Variants in INPP5B observed in about 807,000 individuals in gnomAD.
INPP5B encodes type II inositol 1,4,5-trisphosphate 5-phosphatase.
A neutral mutation model predicts 118.5 loss-of-function variants in INPP5B; 90 were observed. The ratio of observed to expected loss-of-function variants is 0.76; its 90% CI spans 0.64 to 0.90. INPP5B has a LOEUF of 0.90. Among genes scored for constraint, INPP5B ranks in the 40% least tolerant of loss-of-function variants. The pLI, the probability that INPP5B is intolerant of heterozygous loss-of-function variation, is 0.00. For missense variants in INPP5B, 984 were observed against 1,125.6 expected (o/e 0.87, Z 1.80); for synonymous variants, 385 against 418.9 (o/e 0.92, Z 0.99).
At chr1:37,932,369 T>C (rs987851644) in intron 6 of INPP5B, among the ~76,000 whole-genome samples, 118 of 139,270 alleles carry the variant, frequency 8.5e-4, no homozygotes, top group Non-Finnish European at 1.1e-3. Context: ...TTTTCTTTTT[T>C]TTTTTTTTTT....
intron 7 of INPP5B, among the ~76,000 whole-genome samples, chr1:37,895,019 A>G (rs4585949): frequency 0.96 from 146,204 of 152,292 alleles, 70,457 homozygotes; most frequent in East Asian, 1. Context: ...AATTATTTCT[A>G]GAAATGCAAT....
chr1:37,864,554 C>CTA (rs1641913691), intron 22 of INPP5B, 131 bp from the exon 23 acceptor site: 2 of 560,956 alleles, frequency 3.6e-6, no homozygotes, highest in African/African-American at 1.9e-5. Context: ...GGTTGCTTAC[C>CTA]ACTTGGCATA....
rs531983640 is a variant in INPP5B at position 37,921,346 on chromosome 1, T to C, written c.532+10567A>G. On this transcript the variant is annotated intron_variant, in intron 7 of 23. Transcript: ENST00000373024. ...ACATAGTACACAGGGCAGGTAACTC[T>C]TGAGTGACATTCATAACACAGGGCA... Among the ~76,000 whole-genome samples, 3 of 152,322 alleles carry C rather than the reference T, an allele frequency of 2.0e-5. No homozygotes were observed. The South Asian group carries it at 6.2e-4, about 32-fold the overall frequency.
chr1:37,907,820 G>A lies in INPP5B; in HGVS notation c.533-16366C>T, dbSNP rs1644549140. ...AAGGGGAGGCATGAATAATCTGTCA[G>A]GCCTCTGAGCCCAAGCTAAGCCATC... On this transcript the variant is annotated intron_variant, in intron 7 of 23. Transcript: ENST00000373024. The surrounding 1 kb of genome is among the most constrained non-coding windows in gnomAD (Gnocchi z 4.3). 6.6e-6 allele frequency among the ~76,000 whole-genome samples: 1 copy of A among 152,120 alleles called. No individual in the cohort carries two copies. Among genetic ancestry groups the A allele is most frequent in the Non-Finnish European group, 1.5e-5 (1 of 68,020 alleles).
At chr1:37,943,578 T>C (rs1015983941) in intron 5 of INPP5B, 62 bp downstream of exon 5, 9 of 1,574,056 alleles carry the variant, frequency 5.7e-6, no homozygotes, top group Non-Finnish European at 7.8e-6. Flanking sequence ...ACACCATTCT[T>C]CTTTCTCTGA....
In INPP5B at chr1:37,888,350, A is replaced by C. The variant is rs760709380; in HGVS notation, c.798-6T>G. On this transcript the variant is annotated splice_region_variant and splice_polypyrimidine_tract_variant and intron_variant, in intron 9 of 23. Transcript: ENST00000373024. Reference sequence around the variant, plus strand: ...TGTATGTTCCCGCAAAAAACCTGTCACCAAAGAGAAATAATTAGTGACTCC... The same window carrying C: ...TGTATGTTCCCGCAAAAAACCTGTCCCCAAAGAGAAATAATTAGTGACTCC... 1.3e-6 allele frequency: 2 copies of C among 1,512,654 alleles called. No homozygotes were observed. The highest frequency in any genetic ancestry group is 1.8e-6 in the Non-Finnish European group (2 of 1,125,630). The allele number at this position is 1,512,654 out of a possible 1,614,324, so 93.7% of individuals were successfully genotyped here.
rs117123666 is a variant in INPP5B at position 37,883,054 on chromosome 1, A to C, written c.1320-136T>G. 952 of 1,439,148 alleles carry C rather than the reference A, an allele frequency of 6.6e-4. 11 individuals are homozygous for C. The East Asian group carries it at 0.022, about 33-fold the overall frequency. The allele number at this position is 1,439,148 out of a possible 1,614,324, so 89.1% of individuals were successfully genotyped here. On this transcript the variant is annotated intron_variant, in intron 13 of 23. Coordinates refer to ENST00000373024, the MANE Select transcript of INPP5B (RefSeq NM_005540.3). ...GGAAAATGGCTCAACTGTTCGGAAAATTTTTTTCTCTCGCCATCCCATTTA... is the reference window on the plus strand; with the variant it reads ...GGAAAATGGCTCAACTGTTCGGAAACTTTTTTTCTCTCGCCATCCCATTTA...
Position 37,945,836 on chromosome 1 carries a change from C to T in INPP5B, c.72G>A (p.Val24=). ...TCTGCCGGCTGTCCCCCTCACACAG[C>T]ACACCTTGCACCGCCTGCGGCTCAG... ...GEYCVIAVQG[V]LCEGDSRQSR... is the part of the protein sequence containing the mutation. The change falls in exon 3 of 24, where the codon GTG becomes GTA. Residue 24 remains valine (V), a synonymous_variant. Transcript: ENST00000373024. 2 of 1,613,984 alleles carry T rather than the reference C, an allele frequency of 1.2e-6. No homozygotes were observed. The highest frequency in any genetic ancestry group is 1.7e-6 in the Non-Finnish European group (2 of 1,180,006).
intron 1 of INPP5B, 138 bp from the exon 2 acceptor site, chr1:37,946,472 C>A: frequency 1.6e-6 from 1 of 633,906 alleles, no homozygotes; most frequent in Non-Finnish European, 2.8e-6. Flanking sequence ...GATCCTCCTC[C>A]TCCTCCTCTT....
intron 7 of INPP5B, among the ~76,000 whole-genome samples, chr1:37,896,271 G>A (rs1286121739): frequency 2.0e-5 from 3 of 147,334 alleles, no homozygotes; most frequent in East Asian, 2.1e-4. Flanking sequence ...GAGCCCCTCC[G>A]CCCGGCAGCC....
rs1645505947 is a variant in INPP5B, at chr1:37,932,150, C to T, written c.392-97G>A. On this transcript the variant is annotated intron_variant, in intron 6 of 23. Transcript: ENST00000373024. ...CAAGAGACTCCGGCCCTGTTTCTCC[C>T]GCGCACAGAAGGGTTCTGTGCGCAC... 5.2e-6 allele frequency: 6 copies of T among 1,147,506 alleles called. No individual in the cohort carries two copies. The South Asian group carries it at 5.3e-5, about 10-fold the overall frequency. The allele number at this position is 1,147,506 out of a possible 1,614,324, so 71.1% of individuals were successfully genotyped here. A position where few individuals can be genotyped will look rare whatever the true frequency, so the allele number is the denominator to read the frequency against.
At chr1:37,910,243 C>A (rs1287156467) in intron 7 of INPP5B, among the ~76,000 whole-genome samples, 1 of 152,190 alleles carries the variant, frequency 6.6e-6, no homozygotes, top group Admixed American at 6.5e-5. Context: ...ACACACTCCA[C>A]ATTACCTTCT....
chr1:37,898,273 G>T (rs751631108), intron 7 of INPP5B, among the ~76,000 whole-genome samples: 1 of 152,140 alleles, frequency 6.6e-6, no homozygotes, highest in African/African-American at 2.4e-5. Context: ...TTTTGGGGGT[G>T]AGGGTGGGGT....
At chr1:37,898,327 T>C (rs562620101) in intron 7 of INPP5B, among the ~76,000 whole-genome samples, 109 of 152,212 alleles carry the variant, frequency 7.2e-4, no homozygotes, top group African/African-American at 2.6e-3. Flanking sequence ...AGCAAAACTA[T>C]ACTCAAAAGA....
At chr1:37,872,852 G>A (rs907856038) in intron 19 of INPP5B, 78 bp downstream of exon 19, 4 of 1,052,228 alleles carry the variant, frequency 3.8e-6, no homozygotes, top group Middle Eastern at 5.0e-4. Context: ...TCCCTAGGAA[G>A]GTAGGCATAG....
intron 5 of INPP5B, chr1:37,941,958 A>AATATATATATATATATATATATATAT (rs1553163169): frequency 2.6e-4 from 8 of 30,262 alleles, no homozygotes; most frequent in East Asian, 9.7e-4. Flanking sequence ...AAAAAAAAAA[A>AATATATATATATATATATATATATAT]ATATATATAT....
At chr1:37,875,780 G>A in intron 16 of INPP5B, 64 bp from the exon 17 acceptor site, 2 of 1,193,472 alleles carry the variant, frequency 1.7e-6, no homozygotes, top group South Asian at 2.5e-5. Context: ...TCTCAGTATA[G>A]ACGGCATTCA....
chr1:37,923,846 G>A (rs760811349), intron 7 of INPP5B, among the ~76,000 whole-genome samples: 23 of 151,596 alleles, frequency 1.5e-4, no homozygotes, highest in Non-Finnish European at 2.8e-4. Flanking sequence ...CGTGATCTCT[G>A]CTCACTGCAA....
At chr1:37,896,509 G>A (rs535105996) in intron 7 of INPP5B, among the ~76,000 whole-genome samples, 29 of 146,640 alleles carry the variant, frequency 2.0e-4, no homozygotes, top group East Asian at 1.3e-3. Context: ...CGCCCCGTCC[G>A]GCAGGTGAGG....
Sources: allele counts gnomAD v4.1 joint callset (sites outside exome capture counted in the v4.1 genomes callset), GRCh38; gene constraint gnomAD v4.1.1; non-coding constraint Gnocchi (gnomAD v3.1); transcripts MANE v1.5; gene names NCBI Gene and HGNC (gene_info 2026-07-23, HGNC 2026-07-21).